RHCE: variants seen among roughly 807,000 people sequenced by gnomAD.
The protein encoded by RHCE is Rh blood group CcEe antigens, also known as blood group Rh(CE) polypeptide.
In RHCE, 22 loss-of-function variants were observed where a neutral mutation model predicts 43.8. The ratio of observed to expected loss-of-function variants is 0.50; its 90% CI spans 0.36 to 0.72. The LOEUF is 0.72. Ranked by LOEUF, RHCE falls within the 30% of genes least tolerant of loss-of-function variation. RHCE has a pLI of 0.00. For synonymous variants in RHCE, 156 were observed against 210.7 expected, an observed-to-expected ratio of 0.74 and a Z score of 2.25; for missense variants, 385 against 525.4, an observed-to-expected ratio of 0.73 and a Z score of 2.61.
chr1:25,390,394 G>T (rs1176208583), intron 5 of RHCE, among the ~76,000 whole-genome samples: 1 of 152,106 alleles, frequency 6.6e-6, no homozygotes, highest in Non-Finnish European at 1.5e-5. Flanking sequence ...TTTGTTGGGG[G>T]GAAGAGAGAG....
chr1:25,390,336 G>C (rs371173959), intron 5 of RHCE, among the ~76,000 whole-genome samples: 2 of 152,322 alleles, frequency 1.3e-5, no homozygotes, highest in African/African-American at 4.8e-5. Flanking sequence ...CACATGGCTA[G>C]TGTCACATAC....
At chr1:25,418,760 G>T (rs2042675294) in intron 1 of RHCE, among the ~76,000 whole-genome samples, 1 of 152,162 alleles carries the variant, frequency 6.6e-6, no homozygotes, top group African/African-American at 2.4e-5. Context: ...GAGCTGGCTG[G>T]GCAGGCACCT....
chr1:25,379,450 A>AGTGT lies in RHCE; in HGVS notation c.1074-4023_1074-4022insACAC, dbSNP rs1323304546. On this transcript the variant is annotated intron_variant, in intron 7 of 9. Transcript: ENST00000294413. ...GCAAAATTCATCCCAATAGCACCAA[A>AGTGT]GTATATATATATATATATATATATA... 3.5e-3 allele frequency among the ~76,000 whole-genome samples: 256 copies of AGTGT among 73,224 alleles called. 2 individuals are homozygous for AGTGT. Among genetic ancestry groups the AGTGT allele is most frequent in the African/African-American group, 0.011 (241 of 21,688 alleles). The allele number at this position is 73,224 out of a possible 152,430, so 48.0% of individuals were successfully genotyped here.
intron 6 of RHCE, among the ~76,000 whole-genome samples, chr1:25,388,664 A>C (rs1646259294): frequency 6.6e-6 from 1 of 152,188 alleles, no homozygotes; most frequent in South Asian, 2.1e-4. Flanking sequence ...CAAAGAAAGA[A>C]GTAAAACAGG....
intron 1 of RHCE, among the ~76,000 whole-genome samples, chr1:25,412,571 G>T (rs1647114310): frequency 6.6e-6 from 1 of 152,036 alleles, no homozygotes; most frequent in African/African-American, 2.4e-5. Flanking sequence ...AATTACTTGG[G>T]CGTGGTGGCA....
upstream of RHCE, among the ~76,000 whole-genome samples, chr1:25,425,168 G>A (rs939635843): frequency 3.9e-5 from 6 of 152,328 alleles, no homozygotes; most frequent in Middle Eastern, 3.4e-3. Flanking sequence ...GCAACATAAA[G>A]ACAGGGACTT....
Position 25,404,817 on chromosome 1 carries a change from C to T in RHCE, c.336-2071G>A, listed in dbSNP as rs573017235. Reference sequence around the variant, plus strand: ...GGTAAGGGCAAAGTGAGTTGATATACGTCAAGCACAATAAAGGAGTTGGTT... The same window carrying T: ...GGTAAGGGCAAAGTGAGTTGATATATGTCAAGCACAATAAAGGAGTTGGTT... On this transcript the variant is annotated intron_variant, in intron 2 of 9. Coordinates refer to ENST00000294413, the MANE Select transcript of RHCE (RefSeq NM_020485.8). 6.6e-5 allele frequency among the ~76,000 whole-genome samples: 10 copies of T among 151,264 alleles called. No homozygotes were observed. In the East Asian group the frequency reaches 7.8e-4, roughly 12 times the overall value.
At chr1:25,415,298 G>A (rs1647301249) in intron 1 of RHCE, among the ~76,000 whole-genome samples, 1 of 152,120 alleles carries the variant, frequency 6.6e-6, no homozygotes, top group Non-Finnish European at 1.5e-5. Context: ...ACAATCACCA[G>A]GGTAGCTGGA....
At chr1:25,414,199 C>G (rs1170793941) in intron 1 of RHCE, among the ~76,000 whole-genome samples, 2 of 151,704 alleles carry the variant, frequency 1.3e-5, no homozygotes, top group Non-Finnish European at 2.9e-5. Flanking sequence ...GCAAAGAGTT[C>G]GTTTGGATAA....
chr1:25,362,321 A>G lies in RHCE; in HGVS notation c.*206T>C, dbSNP rs1645422529. The stretch of plus-strand genomic sequence containing the variant: ...TTGATAGCATCATCCTAATGAAACT[A>G]AACATTTATTTTAAACTTATTAAAT... On this transcript the variant is annotated 3_prime_UTR_variant, in exon 10 of 10. Transcript: ENST00000294413. 1.7e-6 allele frequency: 2 copies of G among 1,176,268 alleles called. No individual in the cohort carries two copies. The highest frequency in any genetic ancestry group is 2.4e-6 in the Non-Finnish European group (2 of 832,892). The allele number at this position is 1,176,268 out of a possible 1,614,324, so 72.9% of individuals were successfully genotyped here.
rs573676001 is a variant in RHCE, at chr1:25,419,132, C to T, written c.148+1507G>A. ...ATGCCTAGTTTCCTCATATGAAAAA[C>T]GAAGATCATAATAGTACCCACCTCA... On this transcript the variant is annotated intron_variant, in intron 1 of 9. Coordinates refer to ENST00000294413, the MANE Select transcript of RHCE (RefSeq NM_020485.8). Among the ~76,000 whole-genome samples the T allele has an allele frequency of 9.2e-5, 14 of 152,246 alleles. No individual in the cohort carries two copies. The South Asian group carries it at 1.0e-3, about 11-fold the overall frequency.
chr1:25,416,535 T>C (rs1647464181), intron 1 of RHCE, among the ~76,000 whole-genome samples: 1 of 152,170 alleles, frequency 6.6e-6, no homozygotes, highest in South Asian at 2.1e-4. Context: ...AGTGCTGGGA[T>C]TACAGGCGTG....
At chr1:25,374,544 T>C (rs544355985) in intron 8 of RHCE, among the ~76,000 whole-genome samples, 2 of 148,984 alleles carry the variant, frequency 1.3e-5, no homozygotes, top group Admixed American at 1.3e-4. Flanking sequence ...TGCTCCTCAC[T>C]ACCATTCTGC....
chr1:25,430,122 G>T (rs965801908), exon 1 of RHCE: 4 of 151,810 alleles, frequency 2.6e-5, no homozygotes, highest in Admixed American at 6.6e-5. Flanking sequence ...CTCGGCGCCC[G>T]CGGGGCCCAC....
At chr1:25,424,449 ACAATCTCGGCTCACTG>A (rs2042790210), upstream of RHCE, among the ~76,000 whole-genome samples, 1 of 151,780 alleles carries the variant, frequency 6.6e-6, no homozygotes, top group African/African-American at 2.4e-5. Context: ...CTGCAATGGC[ACAATCTCGGCTCACTG>A]CAACCTCCGC....
upstream of RHCE, among the ~76,000 whole-genome samples, chr1:25,423,893 T>G (rs2042785925): frequency 2.6e-5 from 4 of 152,356 alleles, no homozygotes; most frequent in South Asian, 4.1e-4. Context: ...AAGCACTCTA[T>G]TGCACCTGCT....
chr1:25,387,335 C>G (rs944340523), intron 6 of RHCE, among the ~76,000 whole-genome samples: 6 of 152,236 alleles, frequency 3.9e-5, no homozygotes, highest in Admixed American at 2.6e-4. Flanking sequence ...CCATCCCAGG[C>G]TAGCTCAGAT....
chr1:25,369,393 T>C (rs1315179919), intron 9 of RHCE, among the ~76,000 whole-genome samples: 1 of 151,546 alleles, frequency 6.6e-6, no homozygotes, highest in African/African-American at 2.4e-5. Flanking sequence ...ACAATACTGG[T>C]CCCTGCTGGT....
At chr1:25,367,730 TGA>T (rs1645468835) in intron 9 of RHCE, among the ~76,000 whole-genome samples, 1 of 143,558 alleles carries the variant, frequency 7.0e-6, no homozygotes, top group Non-Finnish European at 1.5e-5. Context: ...CCCAGCACTT[TGA>T]GAGGCCAAGG....
Sources: gnomAD v4.1 joint callset for allele counts (sites outside exome capture counted in the v4.1 genomes callset) on GRCh38, gnomAD v4.1.1 for gene constraint, MANE v1.5 for transcripts, NCBI Gene and HGNC (gene_info 2026-07-23, HGNC 2026-07-21) for gene names.